The following UMPS variants were observed in gnomAD, a reference collection of about 807,000 sequenced individuals.
The protein encoded by UMPS is uridine monophosphate synthetase.
UMPS carries 21 observed loss-of-function variants against 38.9 expected under a neutral mutation model. That is an observed-to-expected ratio of 0.54 (90% CI 0.38 to 0.78). The LOEUF (loss-of-function observed/expected upper bound fraction) is 0.78. UMPS is among the 30% of genes least tolerant of loss of function. The probability of loss-of-function intolerance (pLI) is 0.00; values close to 1 mark genes in which losing one functional copy is unlikely to be tolerated. For synonymous variants in UMPS, 208 were observed against 219.3 expected (o/e 0.95, Z 0.45); for missense variants, 533 against 591.6 (o/e 0.90, Z 1.03).
intron 4 of UMPS, 65 bp downstream of exon 4, chr3:124,740,264 A>G: frequency 6.7e-7 from 1 of 1,485,322 alleles, no homozygotes; most frequent in Non-Finnish European, 9.1e-7. Context: ...GCAAGAAGAT[A>G]TCTCCTAATC....
At chr3:124,735,316 T>C (rs2063510088) in intron 2 of UMPS, 70 bp downstream of exon 2, 4 of 1,407,140 alleles carry the variant, frequency 2.8e-6, no homozygotes, top group Non-Finnish European at 4.0e-6. Flanking sequence ...ATTTTTCCGC[T>C]TCTGTGCACT....
chr3:124,737,744 T>C lies in UMPS; in HGVS notation c.487T>C (p.Leu163=). ...LDREQGGKDK[L]QAHGIRLHSV... The stretch of plus-strand genomic sequence containing the variant: ...CAGAGAGCAGGGAGGCAAGGACAAG[T>C]TGCAGGCGCACGGGATCCGCCTCCA... Residue 163 remains leucine (L), a synonymous_variant, in exon 3 of 6, where the codon TTG becomes CTG. Transcript: ENST00000232607. The C allele has an allele frequency of 6.2e-7, 1 of 1,614,192 alleles. No individual in the cohort carries two copies. Among genetic ancestry groups the C allele is most frequent in the African/African-American group, 1.3e-5 (1 of 75,034 alleles).
chr3:124,747,000 G>GT lies in UMPS; in HGVS notation c.*2922dup, dbSNP rs1559910029. 2.2e-6 allele frequency: 1 copy of GT among 449,894 alleles called. No homozygotes were observed. The highest frequency in any genetic ancestry group is 4.4e-6 in the Non-Finnish European group (1 of 225,410). 27.9% of individuals were successfully genotyped at this position (449,894 alleles called of 1,614,324 possible). On this transcript the variant is annotated 3_prime_UTR_variant, in exon 6 of 6. Coordinates refer to ENST00000232607, the MANE Select transcript of UMPS (RefSeq NM_000373.4). Reference sequence around the variant, plus strand: ...TCTGCCAAAAGTAGGCCGAGGGCTGGTTTTTTGTTTTGTTTTGTTTGTTTG... The same window carrying GT: ...TCTGCCAAAAGTAGGCCGAGGGCTGGTTTTTTTGTTTTGTTTTGTTTGTTTG...
chr3:124,744,130 T>C lies in UMPS; in HGVS notation c.*46T>C. 1 of 1,606,048 alleles carries C rather than the reference T, an allele frequency of 6.2e-7. No individual in the cohort carries two copies. Among genetic ancestry groups the C allele is most frequent in the Non-Finnish European group, 8.5e-7 (1 of 1,174,162 alleles). On this transcript the variant is annotated 3_prime_UTR_variant, in exon 6 of 6. Coordinates refer to ENST00000232607, the MANE Select transcript of UMPS (RefSeq NM_000373.4). The stretch of plus-strand genomic sequence containing the variant: ...AGATACAATGTGAAGACATTGAAGA[T>C]ATGTGGTCCTCCTGAAAGTCACTGG...
intron 5 of UMPS, among the ~76,000 whole-genome samples, chr3:124,743,040 T>C (rs1436128153): frequency 6.6e-6 from 1 of 152,066 alleles, no homozygotes; most frequent in East Asian, 1.9e-4. Flanking sequence ...AAAATAATGA[T>C]AAAATAAATA....
rs1448608424 is a variant in UMPS at position 124,749,042 on chromosome 3, C to A, written c.*4958C>A. The A allele has an allele frequency of 2.2e-6, 1 of 454,046 alleles. No homozygotes were observed. Among genetic ancestry groups the A allele is most frequent in the Non-Finnish European group, 4.4e-6 (1 of 226,772 alleles). The allele number at this position is 454,046 out of a possible 1,614,324, so 28.1% of individuals were successfully genotyped here. ...CATAGTCCTGCCTCCAATGTCCCAA[C>A]ACTGCATTGTCTCCCTGCACTTAGC... On this transcript the variant is annotated 3_prime_UTR_variant, in exon 6 of 6. Coordinates refer to ENST00000232607, the MANE Select transcript of UMPS (RefSeq NM_000373.4).
Position 124,730,545 on chromosome 3 carries a change from A to T in UMPS, c.74A>T (p.Asp25Val), listed in dbSNP as rs1559902050. 8 of 1,613,772 alleles carry T rather than the reference A, an allele frequency of 5.0e-6. No individual in the cohort carries two copies. The highest frequency in any genetic ancestry group is 6.8e-6 in the Non-Finnish European group (8 of 1,179,874). Reference sequence around the variant, plus strand: ...GACGTGCAGGCTTTCAAGTTTGGGGACTTCGTGCTGAAGAGCGGGCTTTCC... The same window carrying T: ...GACGTGCAGGCTTTCAAGTTTGGGGTCTTCGTGCTGAAGAGCGGGCTTTCC... ...LYDVQAFKFG[D>V]FVLKSGLSSP... Residue 25 changes from aspartate to valine, a missense_variant, in exon 1 of 6, where the codon GAC becomes GTC. Transcript: ENST00000232607.
chr3:124,745,248 C>T lies in UMPS; in HGVS notation c.*1164C>T, dbSNP rs2063587413. On this transcript the variant is annotated 3_prime_UTR_variant, in exon 6 of 6. Transcript: ENST00000232607. The stretch of plus-strand genomic sequence containing the variant: ...GCTGTCCCGGTGCTCATTGCACCAG[C>T]ACACTCACATTCCTTCTCATTTGGG... 2 of 454,132 alleles carry T rather than the reference C, an allele frequency of 4.4e-6. No homozygotes were observed. Among genetic ancestry groups the T allele is most frequent in the African/African-American group, 2.0e-5 (1 of 50,128 alleles). The allele number at this position is 454,132 out of a possible 1,614,324, so 28.1% of individuals were successfully genotyped here. A position where few individuals can be genotyped will look rare whatever the true frequency, so the allele number is the denominator to read the frequency against.
rs1381673141 is a variant in UMPS, at chr3:124,748,008, A to AGGGCAT, written c.*3924_*3925insGGGCAT. ...AGAAAGGGCATTCCTTTTTGAAGGA[A>AGGGCAT]TCTGATACTAAACACAAAGCATGAG... On this transcript the variant is annotated 3_prime_UTR_variant, in exon 6 of 6. Transcript: ENST00000232607. The AGGGCAT allele has an allele frequency of 2.2e-6, 1 of 452,600 alleles. No homozygotes were observed. The highest frequency in any genetic ancestry group is 7.0e-5 in the East Asian group (1 of 14,386). The allele number at this position is 452,600 out of a possible 1,614,324, so 28.0% of individuals were successfully genotyped here.
In UMPS at chr3:124,744,058, GC is replaced by G. The variant is rs759954119; in HGVS notation, c.1418del (p.Ala473GlyfsTer3). The G allele has an allele frequency of 8.1e-6, 13 of 1,614,138 alleles. No individual in the cohort carries two copies. The highest frequency in any genetic ancestry group is 1.1e-5 in the Non-Finnish European group (13 of 1,179,986). On this transcript the variant is annotated frameshift_variant, in exon 6 of 6. Transcript: ENST00000232607. LOFTEE classifies it high-confidence loss of function. ...GATGTACAGAAAAGCTGCTTGGGAA[GC>G]GTATTTGAGTAGACTTGGTGTTTGA... The part of the protein sequence containing the change: ...AEMYRKAAWE[A>X]YLSRLGV
At position 124,747,904 on chromosome 3, in the gene UMPS, C is replaced by G. The variant is rs1248529795; in HGVS notation, c.*3820C>G. On this transcript the variant is annotated 3_prime_UTR_variant, in exon 6 of 6. Coordinates refer to ENST00000232607, the MANE Select transcript of UMPS (RefSeq NM_000373.4). The stretch of plus-strand genomic sequence containing the variant: ...TCATTGAAAATGACCATGAGTAACC[C>G]TGTGGACTCTCTGCAGCTTGGTTCC... 1 of 453,822 alleles carries G rather than the reference C, an allele frequency of 2.2e-6. No individual in the cohort carries two copies. The highest frequency in any genetic ancestry group is 1.6e-5 in the South Asian group (1 of 64,478). 28.1% of individuals were successfully genotyped at this position (453,822 alleles called of 1,614,324 possible).
rs1316230046 is a variant in UMPS, at chr3:124,738,031, T to G, written c.774T>G (p.Ala258=). 5 of 1,614,230 alleles carry G rather than the reference T, an allele frequency of 3.1e-6. No homozygotes were observed. The Admixed American group carries it at 5.0e-5, about 16-fold the overall frequency. ...QKKETNLCLS[A]DVSLARELLQ... ...AGGAGACCAATCTGTGTCTATCTGC[T>G]GATGTTTCACTGGCCAGAGAGCTGT... Residue 258 remains alanine (A), a synonymous_variant, in exon 3 of 6, where the codon GCT becomes GCG. Coordinates refer to ENST00000232607, the MANE Select transcript of UMPS (RefSeq NM_000373.4).
At position 124,746,090 on chromosome 3, in the gene UMPS, C is replaced by G. The variant is rs2063594871; in HGVS notation, c.*2006C>G. On this transcript the variant is annotated 3_prime_UTR_variant, in exon 6 of 6. Transcript: ENST00000232607. ...CATTTCTGCCTCTGCAGTGAGACAG[C>G]CTTGAGGTCTGCCTCCTGCTAAGAG... 2.2e-6 allele frequency: 1 copy of G among 453,996 alleles called. No individual in the cohort carries two copies. Among genetic ancestry groups the G allele is most frequent in the Non-Finnish European group, 4.4e-6 (1 of 226,792 alleles). The allele number at this position is 453,996 out of a possible 1,614,324, so 28.1% of individuals were successfully genotyped here.
At chr3:124,738,457 G>T (rs1158399859) in intron 3 of UMPS, 1 of 551,728 alleles carries the variant, frequency 1.8e-6, no homozygotes, top group African/African-American at 1.9e-5. Context: ...GGCATACTCT[G>T]CATGCTCACC....
chr3:124,738,519 G>T, intron 3 of UMPS: 1 of 399,328 alleles, frequency 2.5e-6, no homozygotes, highest in Non-Finnish European at 4.7e-6. Flanking sequence ...TAACTAGCCT[G>T]GGCAATTTGC....
In UMPS at chr3:124,743,961, C is replaced by T. The variant is rs13146; in HGVS notation, c.1320C>T (p.Gly440=). ...QQYNSPQEVI[G]KRGSDIIIVG... The stretch of plus-strand genomic sequence containing the variant: ...ACAATAGCCCACAAGAAGTTATTGG[C>T]AAACGAGGTTCCGATATCATCATTG... The change falls in exon 6 of 6, where the codon GGC becomes GGT. Residue 440 remains glycine (G), a synonymous_variant. Transcript: ENST00000232607. 291,822 of 1,613,944 alleles carry T rather than the reference C, an allele frequency of 0.18. 27,426 individuals are homozygous for T. Among genetic ancestry groups the T allele is most frequent in the Admixed American group, 0.3 (17,759 of 60,018 alleles).
rs531114807 is a variant in UMPS at position 124,746,898 on chromosome 3, A to G, written c.*2814A>G. 53 of 453,664 alleles carry G rather than the reference A, an allele frequency of 1.2e-4. No individual in the cohort carries two copies. The highest frequency in any genetic ancestry group is 9.8e-4 in the African/African-American group (49 of 50,122). The allele number at this position is 453,664 out of a possible 1,614,324, so 28.1% of individuals were successfully genotyped here. Reference sequence around the variant, plus strand: ...TGTAGCTCCAGAATCGTAAAGGGATATGCTCAGTCTCACAGCCAGCCTGTG... The same window carrying G: ...TGTAGCTCCAGAATCGTAAAGGGATGTGCTCAGTCTCACAGCCAGCCTGTG... On this transcript the variant is annotated 3_prime_UTR_variant, in exon 6 of 6. Coordinates refer to ENST00000232607, the MANE Select transcript of UMPS (RefSeq NM_000373.4).
rs1300122554 is a variant in UMPS at position 124,745,871 on chromosome 3, G to T, written c.*1787G>T. 3 of 453,966 alleles carry T rather than the reference G, an allele frequency of 6.6e-6. No homozygotes were observed. Among genetic ancestry groups the T allele is most frequent in the Admixed American group, 2.4e-5 (1 of 42,548 alleles). 28.1% of individuals were successfully genotyped at this position (453,966 alleles called of 1,614,324 possible). A position where few individuals can be genotyped will look rare whatever the true frequency, so the allele number is the denominator to read the frequency against. ...TGGCTGTCACTTCCATGTGTCAGTG[G>T]TTCTCCCACTTTAGCAGGTATCAGA... On this transcript the variant is annotated 3_prime_UTR_variant, in exon 6 of 6. Coordinates refer to ENST00000232607, the MANE Select transcript of UMPS (RefSeq NM_000373.4).
At position 124,747,819 on chromosome 3, in the gene UMPS, C is replaced by G. The variant is rs974360197; in HGVS notation, c.*3735C>G. On this transcript the variant is annotated 3_prime_UTR_variant, in exon 6 of 6. Transcript: ENST00000232607. ...TGGCTGCATCAGCGATCTCTCCCAGCGAAATAGCTGCTTGGTCTTGTGTGA... is the reference window on the plus strand; with the variant it reads ...TGGCTGCATCAGCGATCTCTCCCAGGGAAATAGCTGCTTGGTCTTGTGTGA... The G allele has an allele frequency of 2.2e-6, 1 of 451,878 alleles. No homozygotes were observed. The highest frequency in any genetic ancestry group is 1.6e-5 in the South Asian group (1 of 64,466). 28.0% of individuals were successfully genotyped at this position (451,878 alleles called of 1,614,324 possible).
Sources: gnomAD v4.1 joint callset for allele counts (sites outside exome capture counted in the v4.1 genomes callset) on GRCh38, gnomAD v4.1.1 for gene constraint, MANE v1.5 for transcripts, NCBI Gene and HGNC (gene_info 2026-07-23, HGNC 2026-07-21) for gene names.